OSBPL3: variants seen among roughly 807,000 people sequenced by gnomAD.
The protein encoded by OSBPL3 is oxysterol binding protein like 3.
OSBPL3 carries 65 observed loss-of-function variants against 120.1 expected under a neutral mutation model. The observed-to-expected ratio is 0.54, with a 90% CI of 0.44 to 0.67. The LOEUF is 0.67. Ranked by LOEUF, OSBPL3 falls within the 30% of genes least tolerant of loss-of-function variation. The pLI is 0.00. For missense variants in OSBPL3, 1,004 were observed against 1,082.1 expected (o/e 0.93, Z 1.01); for synonymous variants, 416 against 402.6 (o/e 1.03, Z -0.40).
rs750396938 is a variant in OSBPL3, at chr7:24,852,477, AT to A, written c.1158+26del. ...TCATGAGCCTGGACACATCTCAGGC[AT>A]TCCTGGAGGCAGACATGTAACTTAC... On this transcript the variant is annotated intron_variant, in intron 11 of 22. Transcript: ENST00000313367. The surrounding 1 kb of genome is among the most constrained non-coding windows in gnomAD (Gnocchi z 4.1). The A allele has an allele frequency of 6.5e-7, 1 of 1,529,704 alleles. No homozygotes were observed. Among genetic ancestry groups the A allele is most frequent in the Non-Finnish European group, 8.7e-7 (1 of 1,144,432 alleles). The allele number at this position is 1,529,704 out of a possible 1,614,324, so 94.8% of individuals were successfully genotyped here.
intron 1 of OSBPL3, among the ~76,000 whole-genome samples, chr7:24,961,617 C>G (rs1052181726): frequency 6.6e-6 from 1 of 152,166 alleles, no homozygotes; most frequent in Non-Finnish European, 1.5e-5. Flanking sequence ...TGCAGGCCCT[C>G]ACCAGACACC....
At position 24,968,489 on chromosome 7, in the gene OSBPL3, C is replaced by T. The variant is rs162; in HGVS notation, c.-150+11397G>A. On this transcript the variant is annotated intron_variant, in intron 1 of 22. Transcript: ENST00000313367. The surrounding 1 kb of genome is among the most constrained non-coding windows in gnomAD (Gnocchi z 4.6). ...TTGGCTCACTGCAGCCACTGCCTCC[C>T]GGGTTCCAGCGATTCTCCTGCCTCC... is the stretch of plus-strand genomic sequence containing the variant. 1.3e-5 allele frequency among the ~76,000 whole-genome samples: 2 copies of T among 152,096 alleles called. No homozygotes were observed. The highest frequency in any genetic ancestry group is 1.9e-4 in the East Asian group (1 of 5,192).
rs2128125349 is a variant in OSBPL3, at chr7:24,813,697, T to C, written c.2172+1362A>G. On this transcript the variant is annotated intron_variant, in intron 19 of 22. Transcript: ENST00000313367. The surrounding 1 kb of genome is among the most constrained non-coding windows in gnomAD (Gnocchi z 4.5). The stretch of plus-strand genomic sequence containing the variant: ...TGGTGCAGAGAGGCATTGCATGAAG[T>C]TCCACAATAAAACCTCATCTCTCTG... 6.6e-6 allele frequency among the ~76,000 whole-genome samples: 1 copy of C among 152,324 alleles called. No individual in the cohort carries two copies. The highest frequency in any genetic ancestry group is 1.5e-5 in the Non-Finnish European group (1 of 68,036).
At position 24,803,379 on chromosome 7, in the gene OSBPL3, C is replaced by T. The variant is rs1283106335; in HGVS notation, c.2567+936G>A. Among the ~76,000 whole-genome samples, 2 of 152,184 alleles carry T rather than the reference C, an allele frequency of 1.3e-5. No homozygotes were observed. The highest frequency in any genetic ancestry group is 4.8e-5 in the African/African-American group (2 of 41,442). On this transcript the variant is annotated intron_variant, in intron 22 of 22. Coordinates refer to ENST00000313367, the MANE Select transcript of OSBPL3 (RefSeq NM_015550.4). The surrounding 1 kb of genome is among the most constrained non-coding windows in gnomAD (Gnocchi z 4.2). The stretch of plus-strand genomic sequence containing the variant: ...TCAGGCCCCATTCCAGGGTATTATA[C>T]CGAGTCCTTCAACAGATCCCCCACC...
chr7:24,909,674 A>G (rs1808488881), intron 1 of OSBPL3, among the ~76,000 whole-genome samples: 1 of 151,952 alleles, frequency 6.6e-6, no homozygotes, highest in South Asian at 2.1e-4. Context: ...AAAGCTGCCA[A>G]TCACCTCTGT....
chr7:24,932,994 C>T lies in OSBPL3; in HGVS notation c.-149-40373G>A, dbSNP rs1429817796. On this transcript the variant is annotated intron_variant, in intron 1 of 22. Transcript: ENST00000313367. The surrounding 1 kb of genome is among the most constrained non-coding windows in gnomAD (Gnocchi z 5.6). Reference sequence around the variant, plus strand: ...TTTCCTCCATATTCAAATTCCACACCGGACCTGATGCTGCTGCACCAACTC... The same window carrying T: ...TTTCCTCCATATTCAAATTCCACACTGGACCTGATGCTGCTGCACCAACTC... Among the ~76,000 whole-genome samples, 4 of 152,204 alleles carry T rather than the reference C, an allele frequency of 2.6e-5. No homozygotes were observed. The highest frequency in any genetic ancestry group is 9.7e-5 in the African/African-American group (4 of 41,444).
At chr7:24,905,328 G>A (rs1316346358) in intron 1 of OSBPL3, among the ~76,000 whole-genome samples, 1 of 152,046 alleles carries the variant, frequency 6.6e-6, no homozygotes, top group African/African-American at 2.4e-5. Context: ...ACCCAGCTCT[G>A]CTAAATGGGT....
intron 17 of OSBPL3, among the ~76,000 whole-genome samples, chr7:24,816,894 T>C (rs545219199): frequency 2.0e-5 from 3 of 152,198 alleles, no homozygotes; most frequent in African/African-American, 7.2e-5. Context: ...AATGATAAGA[T>C]AAAGTCCTTT....
rs77334350 is a variant in OSBPL3 at position 24,921,133 on chromosome 7, C to T, written c.-149-28512G>A. On this transcript the variant is annotated intron_variant, in intron 1 of 22. Transcript: ENST00000313367. ...ATGTGACATGAAAATGACTTTCAAACTCTGAAACAATTGGTTGATCTTTGC... is the reference window on the plus strand; with the variant it reads ...ATGTGACATGAAAATGACTTTCAAATTCTGAAACAATTGGTTGATCTTTGC... Among the ~76,000 whole-genome samples, 944 of 152,222 alleles carry T rather than the reference C, an allele frequency of 6.2e-3. 8 individuals are homozygous for T. Among genetic ancestry groups the T allele is most frequent in the African/African-American group, 0.021 (873 of 41,518 alleles).
At chr7:24,979,619 C>A (rs1318017416) in intron 1 of OSBPL3, among the ~76,000 whole-genome samples, 1 of 152,108 alleles carries the variant, frequency 6.6e-6, no homozygotes, top group African/African-American at 2.4e-5. Context: ...TCGGCTCCTC[C>A]TGGCGGTCAA....
rs946378164 is a variant in OSBPL3 at position 24,817,164 on chromosome 7, C to T, written c.1949-476G>A. On this transcript the variant is annotated intron_variant, in intron 17 of 22. Coordinates refer to ENST00000313367, the MANE Select transcript of OSBPL3 (RefSeq NM_015550.4). This position sits in a 1 kb window ranked among gnomAD's most constrained non-coding sequence, Gnocchi z 4.0. ...GGACGGAAGTATAGGAAAACACAGT[C>T]AAATAGTGTGGTTCTGTCCTATAGG... Among the ~76,000 whole-genome samples the T allele has an allele frequency of 6.6e-6, 1 of 152,152 alleles. No homozygotes were observed. Among genetic ancestry groups the T allele is most frequent in the Non-Finnish European group, 1.5e-5 (1 of 68,038 alleles).
chr7:24,842,177 C>G (rs1442817064), intron 13 of OSBPL3, 102 bp downstream of exon 13: 4 of 1,231,524 alleles, frequency 3.2e-6, no homozygotes, highest in Non-Finnish European at 4.6e-6. Flanking sequence ...CAAAGGGCAA[C>G]TGAGTTTAGT....
chr7:24,847,742 T>A (rs1388462590), intron 12 of OSBPL3, among the ~76,000 whole-genome samples: 1 of 152,208 alleles, frequency 6.6e-6, no homozygotes, highest in Non-Finnish European at 1.5e-5. Context: ...AAACTCCAGA[T>A]AATACCATAG....
Position 24,839,534 on chromosome 7 carries a change from T to G in OSBPL3, c.1495+1156A>C, listed in dbSNP as rs921423673. ...GTCCAAGAGATAGCCATTTGTTACTTTCAAATGTGTTGTTTTGAAGACTCT... is the reference window on the plus strand; with the variant it reads ...GTCCAAGAGATAGCCATTTGTTACTGTCAAATGTGTTGTTTTGAAGACTCT... On this transcript the variant is annotated intron_variant, in intron 14 of 22. Transcript: ENST00000313367. Among the ~76,000 whole-genome samples the G allele has an allele frequency of 2.0e-5, 3 of 152,318 alleles. No homozygotes were observed. The East Asian group carries it at 5.8e-4, about 29-fold the overall frequency.
At chr7:24,927,557 T>G (rs544229121) in intron 1 of OSBPL3, among the ~76,000 whole-genome samples, 2 of 152,218 alleles carry the variant, frequency 1.3e-5, no homozygotes, top group Non-Finnish European at 2.9e-5. Flanking sequence ...GATTACTGCT[T>G]AAGTTGGCAA....
In OSBPL3 at chr7:24,964,105, T is replaced by C. The variant is rs556629851; in HGVS notation, c.-150+15781A>G. Among the ~76,000 whole-genome samples, 11 of 152,126 alleles carry C rather than the reference T, an allele frequency of 7.2e-5. No individual in the cohort carries two copies. The East Asian group carries it at 1.9e-3, about 27-fold the overall frequency. ...ATAAATATCAATGGATCCACACTGATTAAAAAAAACTGATTGAATAAACAA... is the reference window on the plus strand; with the variant it reads ...ATAAATATCAATGGATCCACACTGACTAAAAAAAACTGATTGAATAAACAA... On this transcript the variant is annotated intron_variant, in intron 1 of 22. Coordinates refer to ENST00000313367, the MANE Select transcript of OSBPL3 (RefSeq NM_015550.4). This position sits in a 1 kb window ranked among gnomAD's most constrained non-coding sequence, Gnocchi z 4.2.
chr7:24,909,119 CA>C (rs2128410453), intron 1 of OSBPL3, among the ~76,000 whole-genome samples: 1 of 152,292 alleles, frequency 6.6e-6, no homozygotes, highest in East Asian at 1.9e-4. Context: ...TGTTTTTACC[CA>C]AACCAGTGAA....
chr7:24,818,865 G>C lies in OSBPL3; in HGVS notation c.1948+1310C>G, dbSNP rs1794781036. Among the ~76,000 whole-genome samples, 1 of 152,174 alleles carries C rather than the reference G, an allele frequency of 6.6e-6. No individual in the cohort carries two copies. Among genetic ancestry groups the C allele is most frequent in the Non-Finnish European group, 1.5e-5 (1 of 68,030 alleles). ...TGCTCAGGAAAAGGCTGATGGGGAA[G>C]TATGGCCTAGGAGAAGGATGCTAAG... On this transcript the variant is annotated intron_variant, in intron 17 of 22. Transcript: ENST00000313367. This position sits in a 1 kb window ranked among gnomAD's most constrained non-coding sequence, Gnocchi z 4.0.
chr7:24,935,561 G>A (rs1015702586), intron 1 of OSBPL3, among the ~76,000 whole-genome samples: 7 of 152,002 alleles, frequency 4.6e-5, no homozygotes, highest in African/African-American at 1.7e-4. Context: ...CCTGGGTGGT[G>A]GTTAGGCCAT....
Sources: gnomAD v4.1 joint callset for allele counts (sites outside exome capture counted in the v4.1 genomes callset) on GRCh38, gnomAD v4.1.1 for gene constraint, Gnocchi (gnomAD v3.1) non-coding constraint, MANE v1.5 for transcripts, NCBI Gene and HGNC (gene_info 2026-07-23, HGNC 2026-07-21) for gene names.